The following TEX15 variants were observed in gnomAD, a reference collection of about 807,000 sequenced individuals.
TEX15 encodes testis-expressed protein 15.
TEX15 carries 171 observed loss-of-function variants against 237.3 expected under a neutral mutation model. The ratio of observed to expected loss-of-function variants is 0.72; its 90% CI spans 0.64 to 0.82. The LOEUF (loss-of-function observed/expected upper bound fraction) is 0.82, where lower values mean the gene tolerates loss of function less well. Ranked by LOEUF, TEX15 falls within the 40% of genes least tolerant of loss-of-function variation. The pLI, the probability that TEX15 is intolerant of heterozygous loss-of-function variation, is 0.00. For missense variants in TEX15, 3,750 were observed against 3,646.5 expected (o/e 1.03, Z -0.73); for synonymous variants, 1,338 against 1,269.8 (o/e 1.05, Z -1.14).
intron 4 of TEX15, among the ~76,000 whole-genome samples, chr8:30,869,385 G>C (rs1808242945): frequency 2.0e-5 from 3 of 152,064 alleles, no homozygotes; most frequent in African/African-American, 7.2e-5. Context: ...TGGCATATAA[G>C]AAAACTTACC....
chr8:30,845,052 T>C lies in TEX15; in HGVS notation c.5115A>G (p.Leu1705=). ...TTTTACTTGCTATCAAAGTTAGGTT[T>C]AATGGGCCCATAAGGAAGTTTCCTG... ...IITGNFLMGP[L]NLTLIASKKY... Residue 1705 remains leucine, a synonymous_variant, in exon 8 of 11, where the codon TTA becomes TTG. Coordinates refer to ENST00000643185, the MANE Select transcript of TEX15 (RefSeq NM_001350162.2). 6.2e-7 allele frequency: 1 copy of C among 1,613,660 alleles called. No individual in the cohort carries two copies. The highest frequency in any genetic ancestry group is 8.5e-7 in the Non-Finnish European group (1 of 1,179,592).
intron 5 of TEX15, 58 bp downstream of exon 5, chr8:30,867,207 T>C (rs570302343): frequency 2.7e-6 from 2 of 735,606 alleles, no homozygotes; most frequent in South Asian, 3.6e-5. Flanking sequence ...GGATAATATG[T>C]TCAGGTCAAT....
rs187941006 is a variant in TEX15, at chr8:30,881,993, G to A, written c.136+5174C>T. On this transcript the variant is annotated intron_variant, in intron 3 of 10. Coordinates refer to ENST00000643185, the MANE Select transcript of TEX15 (RefSeq NM_001350162.2). ...TCTGAAACACTCCCTCTTTTCAAATGTAAACATTTAGTGCTATGAACTTCC... is the reference window on the plus strand; with the variant it reads ...TCTGAAACACTCCCTCTTTTCAAATATAAACATTTAGTGCTATGAACTTCC... Among the ~76,000 whole-genome samples, 329 of 152,260 alleles carry A rather than the reference G, an allele frequency of 2.2e-3. 6 individuals are homozygous for A. Among genetic ancestry groups the A allele is most frequent in the Admixed American group, 0.015 (235 of 15,288 alleles).
rs1043783747 is a variant in TEX15, at chr8:30,838,142, T to G, written c.8223-81A>C. ...TTTAATGGAAATATATATTTGAAAT[T>G]TTTATCCAGGGGAAGAGTTCTTAAG... On this transcript the variant is annotated intron_variant, in intron 9 of 10. Transcript: ENST00000643185. 3 of 1,257,640 alleles carry G rather than the reference T, an allele frequency of 2.4e-6. No homozygotes were observed. In the African/African-American group the frequency reaches 4.6e-5, roughly 19 times the overall value. The allele number at this position is 1,257,640 out of a possible 1,614,324, so 77.9% of individuals were successfully genotyped here.
At chr8:30,873,920 C>A (rs1011444239) in intron 4 of TEX15, among the ~76,000 whole-genome samples, 3 of 152,126 alleles carry the variant, frequency 2.0e-5, no homozygotes, top group African/African-American at 7.2e-5. Flanking sequence ...TCACTGGGTA[C>A]TTGTTCTAAC....
chr8:30,840,562 C>T (rs1807427752), intron 8 of TEX15, among the ~76,000 whole-genome samples: 1 of 152,150 alleles, frequency 6.6e-6, no homozygotes, highest in Non-Finnish European at 1.5e-5. Context: ...TCTTGTAAAC[C>T]AGTTGCTAAG....
chr8:30,846,942 T>C lies in TEX15; in HGVS notation c.3225A>G (p.Gln1075=), dbSNP rs777937074. 3 of 1,613,832 alleles carry C rather than the reference T, an allele frequency of 1.9e-6. No individual in the cohort carries two copies. The highest frequency in any genetic ancestry group is 1.1e-5 in the South Asian group (1 of 91,058). Reference sequence around the variant, plus strand: ...TGTTTTCATGGCTATGTGTATCTTGTTGAAATATAAAAGCATCATCACAAT... The same window carrying C: ...TGTTTTCATGGCTATGTGTATCTTGCTGAAATATAAAAGCATCATCACAAT... ...LEDCDDAFIF[Q]QDTHSHENML... Residue 1075 remains glutamine, a synonymous_variant, in exon 8 of 11, where the codon CAA becomes CAG. Coordinates refer to ENST00000643185, the MANE Select transcript of TEX15 (RefSeq NM_001350162.2).
At chr8:30,853,401 T>C (rs184453341) in intron 7 of TEX15, among the ~76,000 whole-genome samples, 161 of 152,296 alleles carry the variant, frequency 1.1e-3, no homozygotes, top group African/African-American at 3.5e-3. Flanking sequence ...CCCTATGTAT[T>C]GGTGGGTTCC....
At chr8:30,907,992 G>C (rs994134877) in intron 1 of TEX15, among the ~76,000 whole-genome samples, 1 of 152,020 alleles carries the variant, frequency 6.6e-6, no homozygotes, top group Admixed American at 6.6e-5. Context: ...GCTCACTGCA[G>C]CCTTGACCTC....
At chr8:30,909,200 A>C (rs1563282082) in intron 1 of TEX15, among the ~76,000 whole-genome samples, 1 of 152,314 alleles carries the variant, frequency 6.6e-6, no homozygotes, top group Non-Finnish European at 1.5e-5. Context: ...ATTTAGTTAC[A>C]GTAGCTTAAT....
chr8:30,844,556 C>A lies in TEX15; in HGVS notation c.5611G>T (p.Glu1871Ter), dbSNP rs1380434052. Reference sequence around the variant, plus strand: ...ATCTGATTCTTTTGATTTTTGTACTCAGTATTAACAGTTGATCCTTCAGTC... The same window carrying A: ...ATCTGATTCTTTTGATTTTTGTACTAAGTATTAACAGTTGATCCTTCAGTC... The part of the protein sequence containing the change: ...SMTEGSTVNT[E>*]YKNQKNQISE... Residue 1871 changes from glutamate (E) to a stop codon, truncating the protein, a stop_gained, in exon 8 of 11, where the codon GAG becomes TAG. Transcript: ENST00000643185. LOFTEE classifies it high-confidence loss of function. 2 of 1,611,802 alleles carry A rather than the reference C, an allele frequency of 1.2e-6. No homozygotes were observed. The highest frequency in any genetic ancestry group is 1.3e-5 in the African/African-American group (1 of 74,766).
chr8:30,883,369 C>CT (rs56948523), intron 3 of TEX15, among the ~76,000 whole-genome samples: 35,379 of 149,780 alleles, frequency 0.24, 6,035 homozygotes, highest in African/African-American at 0.48. Flanking sequence ...TCAGTATTTT[C>CT]TTTTTTTTTT....
rs769559380 is a variant in TEX15, at chr8:30,842,535, T to C, written c.7632A>G (p.Glu2544=). Residue 2544 remains glutamate, a synonymous_variant, in exon 8 of 11, where the codon GAA becomes GAG. Transcript: ENST00000643185. ...TTTTTATTTCTGAAAGTTCTTGAAGTTCTCTTGAGAGCAAATGAATAGCAT... is the reference window on the plus strand; with the variant it reads ...TTTTTATTTCTGAAAGTTCTTGAAGCTCTCTTGAGAGCAAATGAATAGCAT... ...CSYAIHLLSR[E]LQELSEIKKL... 1 of 1,611,080 alleles carries C rather than the reference T, an allele frequency of 6.2e-7. No individual in the cohort carries two copies. The highest frequency in any genetic ancestry group is 1.1e-5 in the South Asian group (1 of 90,654).
chr8:30,896,184 G>A (rs1238509533), intron 2 of TEX15, among the ~76,000 whole-genome samples: 3 of 151,788 alleles, frequency 2.0e-5, no homozygotes, highest in Non-Finnish European at 4.4e-5. Flanking sequence ...ATACATATGA[G>A]GTAGAAGTTA....
intron 1 of TEX15, among the ~76,000 whole-genome samples, chr8:30,900,950 G>A (rs1162986151): frequency 6.6e-6 from 1 of 152,194 alleles, no homozygotes; most frequent in Admixed American, 6.5e-5. Flanking sequence ...TTGAGGTCAG[G>A]AGTTTGAGAC....
Position 30,833,326 on chromosome 8 carries a change from G to A in TEX15, c.9482-3C>T, listed in dbSNP as rs1410057896. On this transcript the variant is annotated splice_region_variant and splice_polypyrimidine_tract_variant and intron_variant, in intron 10 of 10. Transcript: ENST00000643185. ...AAAGGATTCTTGGTGCCATGGAGCT[G>A]GAAGAAAAAACACCACAAAGATTTA... The A allele has an allele frequency of 1.3e-6, 2 of 1,588,638 alleles. No individual in the cohort carries two copies. The highest frequency in any genetic ancestry group is 2.3e-5 in the East Asian group (1 of 44,396).
chr8:30,884,685 T>C (rs2128775538), intron 3 of TEX15, among the ~76,000 whole-genome samples: 1 of 152,294 alleles, frequency 6.6e-6, no homozygotes, highest in African/African-American at 2.4e-5. Context: ...TGTCCTCTCT[T>C]GATTTCTGAT....
chr8:30,903,553 A>G (rs1809043978), intron 1 of TEX15, among the ~76,000 whole-genome samples: 1 of 152,234 alleles, frequency 6.6e-6, no homozygotes, highest in African/African-American at 2.4e-5. Context: ...CAAAAAGGAC[A>G]TATTCTGACT....
chr8:30,855,231 A>G (rs1807884773), intron 7 of TEX15, among the ~76,000 whole-genome samples: 1 of 152,200 alleles, frequency 6.6e-6, no homozygotes, highest in Non-Finnish European at 1.5e-5. Context: ...TAGAATAACG[A>G]GTTCAGCAAG....
Sources: gnomAD v4.1 joint callset for allele counts (sites outside exome capture counted in the v4.1 genomes callset) on GRCh38, gnomAD v4.1.1 for gene constraint, MANE v1.5 for transcripts, NCBI Gene and HGNC (gene_info 2026-07-23, HGNC 2026-07-21) for gene names.